DTD1: variants seen among roughly 807,000 people sequenced by gnomAD.
DTD1 encodes the protein D-aminoacyl-tRNA deacylase 1, also known as D-tyrosyl-tRNA deacylase 1 homolog.
In DTD1, 13 loss-of-function variants were observed where a neutral mutation model predicts 25.6. That is an observed-to-expected ratio of 0.51 (90% CI 0.33 to 0.81). DTD1 has a LOEUF of 0.81. DTD1 is among the 30% of genes least tolerant of loss of function. DTD1 has a pLI of 0.02. For synonymous variants in DTD1, 110 were observed against 103.6 expected (o/e 1.06, Z -0.37); for missense variants, 193 against 266.4 (o/e 0.72, Z 1.92).
chr20:18,691,135 A>G (rs2061045324), intron 4 of DTD1, among the ~76,000 whole-genome samples: 1 of 152,212 alleles, frequency 6.6e-6, no homozygotes, highest in South Asian at 2.1e-4. Flanking sequence ...AGCTGTAGAG[A>G]AAAGAAAATG....
chr20:18,750,294 T>C (rs917200226), intron 5 of DTD1, among the ~76,000 whole-genome samples: 2 of 152,160 alleles, frequency 1.3e-5, no homozygotes, highest in African/African-American at 4.8e-5. Flanking sequence ...TATTCAGATA[T>C]CTATGAGAGC....
chr20:18,602,100 C>T (rs2060637685), intron 3 of DTD1, among the ~76,000 whole-genome samples: 1 of 134,522 alleles, frequency 7.4e-6, no homozygotes, highest in African/African-American at 2.8e-5. Flanking sequence ...GAGCTGAAAA[C>T]CAAGGCTTGA....
chr20:18,667,244 C>T (rs917253496), intron 4 of DTD1, among the ~76,000 whole-genome samples: 1 of 152,204 alleles, frequency 6.6e-6, no homozygotes, highest in Non-Finnish European at 1.5e-5. Context: ...TTCTGCACCA[C>T]GATTACCTTG....
intron 4 of DTD1, chr20:18,675,263 C>T (rs569618540): frequency 5.3e-5 from 8 of 152,354 alleles, no homozygotes; most frequent in African/African-American, 1.9e-4. Flanking sequence ...CTTGGAAGTC[C>T]CATACTGTCA....
chr20:18,659,915 AAAAG>A (rs142198714), intron 4 of DTD1, among the ~76,000 whole-genome samples: 2 of 150,714 alleles, frequency 1.3e-5, no homozygotes, highest in Non-Finnish European at 3.0e-5. Context: ...ATAACTTTAA[AAAAG>A]AAAGAAAGAA....
chr20:18,738,978 C>A (rs977360788), intron 4 of DTD1, among the ~76,000 whole-genome samples: 16 of 152,218 alleles, frequency 1.1e-4, no homozygotes, highest in South Asian at 2.1e-4. Flanking sequence ...TCTTAGGTAG[C>A]GCTTGTCCTC....
chr20:18,683,699 A>T (rs2061005810), intron 4 of DTD1, among the ~76,000 whole-genome samples: 1 of 152,210 alleles, frequency 6.6e-6, no homozygotes. Flanking sequence ...GATGCAGTTT[A>T]TGCTCCCATT....
At position 18,632,368 on chromosome 20, in the gene DTD1, G is replaced by A. The variant is rs1410403478; in HGVS notation, c.477+4135G>A. 15 of 985,282 alleles carry A rather than the reference G, an allele frequency of 1.5e-5. No homozygotes were observed. The African/African-American group carries it at 2.1e-4, about 14-fold the overall frequency. 61.0% of individuals were successfully genotyped at this position (985,282 alleles called of 1,614,324 possible). A position where few individuals can be genotyped will look rare whatever the true frequency, so the allele number is the denominator to read the frequency against. The stretch of plus-strand genomic sequence containing the variant: ...CCTCAGACCCTGAACATTGCACTGC[G>A]CTCTGCCCCTAGCTCTCCAGTAGGT... On this transcript the variant is annotated intron_variant, in intron 4 of 5. Coordinates refer to ENST00000377452, the MANE Select transcript of DTD1 (RefSeq NM_080820.6).
intron 4 of DTD1, among the ~76,000 whole-genome samples, chr20:18,702,690 G>T (rs745380022): frequency 4.1e-4 from 60 of 147,092 alleles, no homozygotes; most frequent in Non-Finnish European, 8.0e-4. Flanking sequence ...ATAGGAATCT[G>T]GTCACAAAGG....
intron 4 of DTD1, among the ~76,000 whole-genome samples, chr20:18,680,417 G>GTTTT (rs3056280): frequency 4.8e-5 from 5 of 105,224 alleles, no homozygotes; most frequent in South Asian, 3.2e-4. Context: ...TGTTGTCTAC[G>GTTTT]TTTTTTTTTT....
intron 4 of DTD1, among the ~76,000 whole-genome samples, chr20:18,738,607 CTG>C (rs2061265770): frequency 6.6e-6 from 1 of 152,204 alleles, no homozygotes; most frequent in African/African-American, 2.4e-5. Context: ...TTCCTCTCAC[CTG>C]TGTTTATTAG....
intron 4 of DTD1, among the ~76,000 whole-genome samples, chr20:18,685,947 G>C (rs1019891350): frequency 1.3e-5 from 2 of 152,186 alleles, no homozygotes; most frequent in African/African-American, 4.8e-5. Flanking sequence ...GCCAACTTCA[G>C]TGTCATTTGT....
At chr20:18,657,561 C>T (rs73114705) in intron 4 of DTD1, among the ~76,000 whole-genome samples, 3,990 of 152,286 alleles carry the variant, frequency 0.026, 65 homozygotes, top group Non-Finnish European at 0.04. Context: ...GAGTCCAGAT[C>T]GCTCAGCAGA....
At chr20:18,745,859 C>T (rs1444764358) in intron 5 of DTD1, among the ~76,000 whole-genome samples, 2 of 152,140 alleles carry the variant, frequency 1.3e-5, no homozygotes, top group African/African-American at 4.8e-5. Flanking sequence ...GTACAAGTGA[C>T]ATCATCAGAT....
intron 4 of DTD1, among the ~76,000 whole-genome samples, chr20:18,662,334 T>A (rs1185192722): frequency 2.0e-5 from 3 of 152,138 alleles, no homozygotes; most frequent in Non-Finnish European, 4.4e-5. Flanking sequence ...ACAGCCAGGC[T>A]GGTCTTGAAC....
At chr20:18,594,773 T>C (rs6045491) in intron 2 of DTD1, among the ~76,000 whole-genome samples, 77,396 of 151,976 alleles carry the variant, frequency 0.51, 20,064 homozygotes, top group Middle Eastern at 0.56. Context: ...CTCAAAGAAG[T>C]GGTAGAGTGG....
chr20:18,650,038 C>T (rs1042155206), intron 4 of DTD1, among the ~76,000 whole-genome samples: 5 of 152,158 alleles, frequency 3.3e-5, no homozygotes, highest in African/African-American at 9.6e-5. Context: ...CACAGGGAGA[C>T]GTTATCTTTA....
intron 4 of DTD1, chr20:18,632,503 T>C (rs1347900097): frequency 1.0e-6 from 1 of 985,440 alleles, no homozygotes; most frequent in Non-Finnish European, 1.2e-6. Flanking sequence ...TTGGAGCAAA[T>C]AGCTAATTTG....
chr20:18,686,681 G>A (rs2061018319), intron 4 of DTD1, among the ~76,000 whole-genome samples: 1 of 145,312 alleles, frequency 6.9e-6, no homozygotes, highest in African/African-American at 2.5e-5. Context: ...TGTGTGGTGT[G>A]TGTGTGCATG....
Sources: gnomAD v4.1 joint callset for allele counts (sites outside exome capture counted in the v4.1 genomes callset) on GRCh38, gnomAD v4.1.1 for gene constraint, MANE v1.5 for transcripts, NCBI Gene and HGNC (gene_info 2026-07-23, HGNC 2026-07-21) for gene names.